RASGRF2: variants seen among roughly 807,000 people sequenced by gnomAD.
RASGRF2 encodes Ras protein specific guanine nucleotide releasing factor 2, also known as ras-specific guanine nucleotide-releasing factor 2.
In RASGRF2, 76 loss-of-function variants were observed where a neutral mutation model predicts 151.0. The observed-to-expected ratio is 0.50, with a 90% CI of 0.42 to 0.61. The LOEUF (loss-of-function observed/expected upper bound fraction) is 0.61. Ranked by LOEUF, RASGRF2 falls within the 20% of genes least tolerant of loss-of-function variation. RASGRF2 has a pLI of 0.00. For synonymous variants in RASGRF2, 504 were observed against 566.5 expected (o/e 0.89, Z 1.57); for missense variants, 1,148 against 1,564.6 (o/e 0.73, Z 4.49).
Position 81,087,081 on chromosome 5 carries a change from T to C in RASGRF2, c.1390+128T>C, listed in dbSNP as rs773379468. 29 of 857,604 alleles carry C rather than the reference T, an allele frequency of 3.4e-5. No individual in the cohort carries two copies. In the African/African-American group the frequency reaches 4.3e-4, roughly 13 times the overall value. The allele number at this position is 857,604 out of a possible 1,614,324, so 53.1% of individuals were successfully genotyped here. On this transcript the variant is annotated intron_variant, in intron 9 of 26. Transcript: ENST00000265080. Reference sequence around the variant, plus strand: ...TGCCCGAAGGACCCCCCCACGGCCTTCGCCGAGGCGGTGGTTGAGGCCCAC... The same window carrying C: ...TGCCCGAAGGACCCCCCCACGGCCTCCGCCGAGGCGGTGGTTGAGGCCCAC...
At chr5:81,173,552 A>G (rs1212733315) in intron 17 of RASGRF2, among the ~76,000 whole-genome samples, 1 of 152,212 alleles carries the variant, frequency 6.6e-6, no homozygotes, top group East Asian at 1.9e-4. Flanking sequence ...GACTCAGTGA[A>G]CACTGTTACC....
intron 18 of RASGRF2, among the ~76,000 whole-genome samples, chr5:81,189,607 C>T (rs907330997): frequency 1.3e-5 from 2 of 151,852 alleles, no homozygotes; most frequent in Admixed American, 1.3e-4. Context: ...GATCCTTCCA[C>T]CTCCGCCTCC....
chr5:81,076,751 A>G (rs988178634), intron 5 of RASGRF2, among the ~76,000 whole-genome samples: 3 of 152,204 alleles, frequency 2.0e-5, no homozygotes, highest in African/African-American at 7.2e-5. Flanking sequence ...GAAGAGAGAA[A>G]GAGGTGTGGA....
chr5:81,025,499 G>A (rs1456353554), intron 1 of RASGRF2, among the ~76,000 whole-genome samples: 1 of 152,166 alleles, frequency 6.6e-6, no homozygotes, highest in Non-Finnish European at 1.5e-5. Flanking sequence ...ACAGTTCTCC[G>A]TGAAGAAATT....
chr5:81,168,429 A>G (rs1371510828), intron 17 of RASGRF2, among the ~76,000 whole-genome samples: 2 of 148,326 alleles, frequency 1.3e-5, no homozygotes, highest in African/African-American at 5.0e-5. Flanking sequence ...TTCTGTCTCA[A>G]CCTCCCAAGT....
rs190050628 is a variant in RASGRF2, at chr5:81,211,135, T to G, written c.3157-1231T>G. Among the ~76,000 whole-genome samples, 828 of 124,104 alleles carry G rather than the reference T, an allele frequency of 6.7e-3. 1 individual carries two copies. Among genetic ancestry groups the G allele is most frequent in the Non-Finnish European group, 9.0e-3 (551 of 60,896 alleles). 81.4% of individuals were successfully genotyped at this position (124,104 alleles called of 152,430 possible). On this transcript the variant is annotated intron_variant, in intron 22 of 26. Coordinates refer to ENST00000265080, the MANE Select transcript of RASGRF2 (RefSeq NM_006909.3). ...TTCCACCTGGGGCAATAGAGCAAGA[T>G]CCTGTCTCCAGAAAAAAAAAAAAAA...
chr5:81,104,471 C>A (rs967051536), intron 12 of RASGRF2, among the ~76,000 whole-genome samples: 5 of 151,898 alleles, frequency 3.3e-5, no homozygotes, highest in African/African-American at 9.7e-5. Flanking sequence ...TAATAAAATT[C>A]TTTACTCTTC....
intron 17 of RASGRF2, among the ~76,000 whole-genome samples, chr5:81,165,567 C>T (rs1754486408): frequency 6.6e-6 from 1 of 152,162 alleles, no homozygotes; most frequent in African/African-American, 2.4e-5. Context: ...CAGGAAAATC[C>T]ATCTTTCAAA....
At chr5:81,107,566 C>T (rs1254040119) in intron 12 of RASGRF2, among the ~76,000 whole-genome samples, 2 of 152,162 alleles carry the variant, frequency 1.3e-5, no homozygotes, top group Non-Finnish European at 2.9e-5. Flanking sequence ...TTTTGAGGCT[C>T]ACTTCTGGCA....
Position 81,211,305 on chromosome 5 carries a change from T to C in RASGRF2, c.3157-1061T>C, listed in dbSNP as rs577909742. Among the ~76,000 whole-genome samples, 5 of 152,252 alleles carry C rather than the reference T, an allele frequency of 3.3e-5. No homozygotes were observed. In the South Asian group the frequency reaches 1.0e-3, roughly 32 times the overall value. On this transcript the variant is annotated intron_variant, in intron 22 of 26. Coordinates refer to ENST00000265080, the MANE Select transcript of RASGRF2 (RefSeq NM_006909.3). Reference sequence around the variant, plus strand: ...CATGGCATTTACCTGTTTATGTATCTGCGACCCTCCCCTTCCCACCTACCT... The same window carrying C: ...CATGGCATTTACCTGTTTATGTATCCGCGACCCTCCCCTTCCCACCTACCT...
intron 1 of RASGRF2, among the ~76,000 whole-genome samples, chr5:80,985,525 A>G (rs1457964800): frequency 1.3e-5 from 2 of 152,236 alleles, no homozygotes; most frequent in Non-Finnish European, 1.5e-5. Context: ...AAAGAGCATT[A>G]GCCCCAGAGA....
chr5:81,155,064 C>T (rs752909138), intron 17 of RASGRF2, among the ~76,000 whole-genome samples: 3 of 151,922 alleles, frequency 2.0e-5, no homozygotes, highest in Non-Finnish European at 4.4e-5. Flanking sequence ...CACCTGTTGG[C>T]CATTTGTGTG....
rs1488787030 is a variant in RASGRF2 at position 81,112,657 on chromosome 5, A to G, written c.1886A>G (p.Lys629Arg). 2 of 1,614,194 alleles carry G rather than the reference A, an allele frequency of 1.2e-6. No individual in the cohort carries two copies. Among genetic ancestry groups the G allele is most frequent in the East Asian group, 2.2e-5 (1 of 44,886 alleles). Residue 629 changes from lysine to arginine, a missense_variant, in exon 14 of 27, where the codon AAA (lysine) becomes AGA (arginine). Coordinates refer to ENST00000265080, the MANE Select transcript of RASGRF2 (RefSeq NM_006909.3). ...HKDDTDICFSKTLNSCKVPQI... is the reference protein window; with the variant it reads ...HKDDTDICFSRTLNSCKVPQI... ...GACGACACTGACATTTGCTTCAGTA[A>G]AACACTCAACTCCTGCAAAGTGCCC...
chr5:81,149,070 G>A (rs1293580323), intron 17 of RASGRF2, among the ~76,000 whole-genome samples: 1 of 152,138 alleles, frequency 6.6e-6, no homozygotes, highest in Non-Finnish European at 1.5e-5. Flanking sequence ...AACTACTATG[G>A]AAAACAGTAT....
chr5:80,961,239 G>C (rs865916712), intron 1 of RASGRF2, among the ~76,000 whole-genome samples: 2 of 152,316 alleles, frequency 1.3e-5, no homozygotes, highest in Middle Eastern at 6.8e-3. Context: ...CCACTGCCAA[G>C]TGATCAGTCA....
chr5:80,991,427 A>G (rs1394612067), intron 1 of RASGRF2, among the ~76,000 whole-genome samples: 1 of 152,174 alleles, frequency 6.6e-6, no homozygotes, highest in African/African-American at 2.4e-5. Flanking sequence ...TTGTCTTTCA[A>G]TAAATAAATA....
rs943502892 is a variant in RASGRF2 at position 81,228,680 on chromosome 5, C to A, written c.*2910C>A. 7.9e-5 allele frequency: 12 copies of A among 152,162 alleles called. No individual in the cohort carries two copies. Among genetic ancestry groups the A allele is most frequent in the African/African-American group, 2.4e-4 (10 of 41,428 alleles). The allele number at this position is 152,162 out of a possible 1,614,324, so 9.4% of individuals were successfully genotyped here. ...ATTATCTTGGAGCTTTTAGGGGATG[C>A]CTTTTCGTTATTAACTGAGACATCT... On this transcript the variant is annotated 3_prime_UTR_variant, in exon 27 of 27. Coordinates refer to ENST00000265080, the MANE Select transcript of RASGRF2 (RefSeq NM_006909.3).
At chr5:81,160,718 T>TAA (rs1264940366) in intron 17 of RASGRF2, among the ~76,000 whole-genome samples, 2 of 146,572 alleles carry the variant, frequency 1.4e-5, no homozygotes, top group Non-Finnish European at 3.0e-5. Flanking sequence ...ATAATAATAA[T>TAA]AAGTCAACCA....
At chr5:81,192,104 A>G (rs1411091986) in intron 18 of RASGRF2, among the ~76,000 whole-genome samples, 1 of 152,148 alleles carries the variant, frequency 6.6e-6, no homozygotes, top group Non-Finnish European at 1.5e-5. Context: ...TCCCCCATGG[A>G]CTTTTATGCA....
Sources: gnomAD v4.1 joint callset for allele counts (sites outside exome capture counted in the v4.1 genomes callset) on GRCh38, gnomAD v4.1.1 for gene constraint, MANE v1.5 for transcripts, NCBI Gene and HGNC (gene_info 2026-07-23, HGNC 2026-07-21) for gene names.